The following CD109 variants were observed in gnomAD, a reference collection of about 807,000 sequenced individuals.
CD109 encodes CD109 antigen.
Under a neutral mutation model 165.8 loss-of-function variants are expected in CD109, and 149 were observed. The observed-to-expected ratio is 0.90, with a 90% confidence interval of 0.79 to 1.03. The LOEUF (loss-of-function observed/expected upper bound fraction) is 1.03, where lower values mean the gene tolerates loss of function less well. CD109 is among the 50% of genes least tolerant of loss of function. CD109 has a pLI of 0.00. For synonymous variants in CD109, 585 were observed against 592.1 expected (o/e 0.99, Z 0.18); for missense variants, 1,712 against 1,677.8 (o/e 1.02, Z -0.36).
At chr6:73,738,333 A>G (rs1772625096) in intron 5 of CD109, among the ~76,000 whole-genome samples, 1 of 152,188 alleles carries the variant, frequency 6.6e-6, no homozygotes, top group South Asian at 2.1e-4. Flanking sequence ...CATGCCCAGA[A>G]TCTTTAAAGC....
At chr6:73,797,408 C>T (rs919261095) in intron 23 of CD109, among the ~76,000 whole-genome samples, 4 of 152,116 alleles carry the variant, frequency 2.6e-5, no homozygotes, top group African/African-American at 7.2e-5. Flanking sequence ...ACTATATTTC[C>T]TCCATTGAAA....
intron 5 of CD109, among the ~76,000 whole-genome samples, chr6:73,740,600 T>C (rs1770500965): frequency 7.1e-6 from 1 of 141,804 alleles, no homozygotes; most frequent in Admixed American, 7.5e-5. Context: ...CTTTTCTTTC[T>C]TTCTTTTTTT....
chr6:73,812,089 G>A, intron 28 of CD109, 116 bp from the exon 29 acceptor site: 2 of 641,734 alleles, frequency 3.1e-6, no homozygotes, highest in East Asian at 2.7e-5. Flanking sequence ...AAAGCTCTTA[G>A]TGCTGTCAGT....
chr6:73,755,242 T>G (rs1283541434), intron 5 of CD109, among the ~76,000 whole-genome samples: 1 of 152,210 alleles, frequency 6.6e-6, no homozygotes, highest in Non-Finnish European at 1.5e-5. Flanking sequence ...GAGATAGAAG[T>G]CATAAATATG....
intron 28 of CD109, among the ~76,000 whole-genome samples, chr6:73,811,506 A>G (rs1457437380): frequency 6.6e-6 from 1 of 152,168 alleles, no homozygotes; most frequent in Admixed American, 6.6e-5. Context: ...CCCATCATAC[A>G]TATGATAAAA....
intron 5 of CD109, among the ~76,000 whole-genome samples, chr6:73,738,318 AC>A (rs1384119974): frequency 3.9e-5 from 6 of 152,192 alleles, no homozygotes; most frequent in Non-Finnish European, 7.3e-5. Context: ...TAGCTAAATA[AC>A]CATCATGCCC....
At chr6:73,679,277 G>A in the CD109 span, among the ~76,000 whole-genome samples, 1 of 152,162 alleles carries the variant, frequency 6.6e-6, no homozygotes, top group Non-Finnish European at 1.5e-5. Context: ...GGCAAGGCAA[G>A]TCCAGCCAGG....
At chr6:73,751,689 A>T (rs1430308589) in intron 5 of CD109, among the ~76,000 whole-genome samples, 1 of 152,108 alleles carries the variant, frequency 6.6e-6, no homozygotes, top group South Asian at 2.1e-4. Flanking sequence ...GCTCCCAGGG[A>T]CACATACCTA....
chr6:73,771,357 A>G, intron 14 of CD109, 72 bp from the exon 15 acceptor site: 1 of 1,261,708 alleles, frequency 7.9e-7, no homozygotes. Flanking sequence ...ATTTTGGGCC[A>G]GTGGTCTGCT....
At chr6:73,722,919 A>C (rs1217060835) in intron 2 of CD109, among the ~76,000 whole-genome samples, 1 of 152,182 alleles carries the variant, frequency 6.6e-6, no homozygotes, top group African/African-American at 2.4e-5. Context: ...ACAGCGTGTG[A>C]AGTGTCCCGC....
intron 15 of CD109, 39 bp from the exon 16 acceptor site, chr6:73,780,385 A>T: frequency 8.4e-7 from 1 of 1,193,830 alleles, no homozygotes; most frequent in Non-Finnish European, 1.3e-6. Flanking sequence ...GAAAGTTGTT[A>T]TGAATCCATT....
In CD109 at chr6:73,823,498, G is replaced by C; in HGVS notation, c.4203G>C (p.Leu1401=). ...AVRSYNSEVK[L]SSCDLCSDVQ... ...GAAGTTACAACTCTGAAGTGAAGCT[G>C]TCCTCCTGTGACCTTTGCAGTGATG... Residue 1401 remains leucine (L), a synonymous_variant, in exon 33 of 33, where the codon CTG becomes CTC. Transcript: ENST00000287097. The C allele has an allele frequency of 3.1e-6, 5 of 1,613,688 alleles. No homozygotes were observed. Among genetic ancestry groups the C allele is most frequent in the Non-Finnish European group, 3.4e-6 (4 of 1,179,698 alleles).
Position 73,788,902 on chromosome 6 carries a change from T to C in CD109, c.2701+290T>C, listed in dbSNP as rs149204824. The stretch of plus-strand genomic sequence containing the variant: ...GGAATCTGCTTTTCTAACAAGCTCC[T>C]AGGTGTTGGTGATACTCTGGCTTGT... On this transcript the variant is annotated intron_variant, in intron 22 of 32. Transcript: ENST00000287097. Among the ~76,000 whole-genome samples the C allele has an allele frequency of 3.0e-3, 454 of 152,284 alleles. 2 individuals are homozygous for C. Among genetic ancestry groups the C allele is most frequent in the Non-Finnish European group, 3.5e-3 (236 of 68,020 alleles).
chr6:73,726,367 C>CT (rs1327392360), intron 3 of CD109, among the ~76,000 whole-genome samples: 1 of 152,054 alleles, frequency 6.6e-6, no homozygotes, highest in Non-Finnish European at 1.5e-5. Context: ...AGAAAAACTT[C>CT]TTTTGTTCTC....
At chr6:73,718,906 G>A (rs1241916145) in intron 2 of CD109, among the ~76,000 whole-genome samples, 1 of 152,022 alleles carries the variant, frequency 6.6e-6, no homozygotes, top group Non-Finnish European at 1.5e-5. Context: ...ACAAATTTAA[G>A]TCTTCTATCC....
intron 1 of CD109, 29 bp downstream of exon 1, chr6:73,696,318 C>T (rs1770834138): frequency 1.4e-6 from 2 of 1,385,486 alleles, no homozygotes; most frequent in Non-Finnish European, 1.9e-6. Flanking sequence ...GGGGGGCGCG[C>T]GGGCGCGCGG....
chr6:73,684,245 G>C, the CD109 span, among the ~76,000 whole-genome samples: 2 of 148,204 alleles, frequency 1.3e-5, no homozygotes, highest in African/African-American at 5.0e-5. Flanking sequence ...TTTGAGACAG[G>C]GTCTTGCTCT....
chr6:73,811,217 G>T, intron 28 of CD109, 70 bp downstream of exon 28: 1 of 1,482,090 alleles, frequency 6.7e-7, no homozygotes, highest in South Asian at 1.3e-5. Flanking sequence ...TGCTTTATTT[G>T]TAATCTGTTG....
intron 19 of CD109, among the ~76,000 whole-genome samples, chr6:73,784,744 C>T (rs1774626793): frequency 6.6e-6 from 1 of 152,198 alleles, no homozygotes; most frequent in Admixed American, 6.5e-5. Context: ...GAGGAGGAAG[C>T]ACATGTATTC....
Sources: gnomAD v4.1 joint callset for allele counts (sites outside exome capture counted in the v4.1 genomes callset) on GRCh38, gnomAD v4.1.1 for gene constraint, MANE v1.5 for transcripts, NCBI Gene and HGNC (gene_info 2026-07-23, HGNC 2026-07-21) for gene names.